Variants in DGKZ observed in about 807,000 individuals in gnomAD.
The protein encoded by DGKZ is diacylglycerol kinase zeta.
A neutral mutation model predicts 142.5 loss-of-function variants in DGKZ; 45 were observed. The ratio of observed to expected loss-of-function variants is 0.32; its 90% CI spans 0.25 to 0.40. DGKZ has a LOEUF of 0.40. DGKZ is among the 10% of genes least tolerant of loss of function. The pLI is 1.00. For missense variants in DGKZ, 755 were observed against 1,306.5 expected (o/e 0.58, Z 6.51); for synonymous variants, 442 against 527.0 (o/e 0.84, Z 2.21).
chr11:46,373,483 CTTG>C (rs1369608486), intron 14 of DGKZ, among the ~76,000 whole-genome samples: 4 of 143,768 alleles, frequency 2.8e-5, no homozygotes, highest in Non-Finnish European at 6.1e-5. Flanking sequence ...TTTTTTTTTT[CTTG>C]TTTTTTTTTT....
At chr11:46,344,045 A>C (rs1940412339), upstream of DGKZ, among the ~76,000 whole-genome samples, 1 of 151,518 alleles carries the variant, frequency 6.6e-6, no homozygotes, top group African/African-American at 2.4e-5. Context: ...CGCCTCCCGA[A>C]TTCAAACGAT....
In DGKZ at chr11:46,366,470, C is replaced by T. The variant is rs1435903357; in HGVS notation, c.162-821C>T. On this transcript the variant is annotated intron_variant, in intron 1 of 30. Transcript: ENST00000527911. Reference sequence around the variant, plus strand: ...CGGGGTGAGGGCCCAGGGTTCCAGCCGCCGGCGCTCCAGCACTGTGCCCCC... The same window carrying T: ...CGGGGTGAGGGCCCAGGGTTCCAGCTGCCGGCGCTCCAGCACTGTGCCCCC... 4.5e-6 allele frequency: 7 copies of T among 1,564,590 alleles called. No individual in the cohort carries two copies. Among genetic ancestry groups the T allele is most frequent in the East Asian group, 2.4e-5 (1 of 41,912 alleles).
At chr11:46,352,221 C>T (rs1043673337) in intron 1 of DGKZ, among the ~76,000 whole-genome samples, 26 of 152,232 alleles carry the variant, frequency 1.7e-4, no homozygotes, top group African/African-American at 6.0e-4. Flanking sequence ...GGAGCCCTTC[C>T]ACCCACTTTA....
At position 46,366,380 on chromosome 11, in the gene DGKZ, GCCT is replaced by G. The variant is rs750005398; in HGVS notation, c.162-903_162-901del. On this transcript the variant is annotated intron_variant, in intron 1 of 30. Transcript: ENST00000527911. ...CCGGCGTCGCTCCCCCGCTGGGCAG[GCCT>G]CCTCCTCACTGGCACAGCGGCGCCG... The G allele has an allele frequency of 5.4e-3, 8,171 of 1,523,458 alleles. 46 individuals are homozygous for G. The highest frequency in any genetic ancestry group is 5.6e-3 in the Non-Finnish European group (6,414 of 1,138,360). The allele number at this position is 1,523,458 out of a possible 1,614,324, so 94.4% of individuals were successfully genotyped here.
At chr11:46,354,948 C>T (rs1470139413) in intron 1 of DGKZ, among the ~76,000 whole-genome samples, 1 of 152,204 alleles carries the variant, frequency 6.6e-6, no homozygotes, top group Non-Finnish European at 1.5e-5. Context: ...TGTTGACGGA[C>T]ACTTGGGTGG....
chr11:46,374,968 G>A, exon 19 of DGKZ: 2 of 1,612,312 alleles, frequency 1.2e-6, no homozygotes, highest in Non-Finnish European at 1.7e-6. Context: ...GGGCCACCCT[G>A]GGGAGCACCA....
intron 1 of DGKZ, chr11:46,364,551 A>C (rs1279702804): frequency 1.0e-6 from 1 of 985,274 alleles, no homozygotes; most frequent in African/African-American, 1.7e-5. Context: ...TGGAAACTCC[A>C]ATAGGCAGAG....
intron 1 of DGKZ, among the ~76,000 whole-genome samples, chr11:46,363,904 G>A (rs1368383479): frequency 6.6e-6 from 1 of 152,216 alleles, no homozygotes; most frequent in African/African-American, 2.4e-5. Context: ...CCCGGGTTCA[G>A]GTCCCGAATG....
In DGKZ at chr11:46,367,686, A is replaced by C; in HGVS notation, c.305A>C (p.Glu102Ala). The change falls in exon 3 of 31, where the codon GAG becomes GCG. Residue 102 changes from glutamate (E) to alanine (A), a missense_variant. Around this residue, in one of 8 missense-constraint regions of DGKZ, gnomAD observed 81 missense variants for 86.5 expected, o/e 0.94. Coordinates refer to ENST00000527911, the Ensembl canonical transcript of DGKZ. This position sits in a 1 kb window ranked among gnomAD's most constrained non-coding sequence, Gnocchi z 4.1. ...ACATATGGGGAGCACATCTGGTTCGAGACCAACGTGTCCGGGGACTTCTGC... is the reference window on the plus strand; with the variant it reads ...ACATATGGGGAGCACATCTGGTTCGCGACCAACGTGTCCGGGGACTTCTGC... 1 of 1,609,884 alleles carries C rather than the reference A, an allele frequency of 6.2e-7. No individual in the cohort carries two copies.
chr11:46,372,683 C>G lies in DGKZ; in HGVS notation c.1071+6C>G. The G allele has an allele frequency of 6.2e-7, 1 of 1,613,122 alleles. No homozygotes were observed. The highest frequency in any genetic ancestry group is 1.1e-5 in the South Asian group (1 of 91,046). On this transcript the variant is annotated splice_donor_region_variant and intron_variant, in intron 12 of 30. Coordinates refer to ENST00000527911, the Ensembl canonical transcript of DGKZ. The surrounding 1 kb of genome is among the most constrained non-coding windows in gnomAD (Gnocchi z 5.9). ...CGTGCGGGGGCGACGGCACGGTGAGCTCCCCGCATGGGCCAGCCGAGCACC... is the reference window on the plus strand; with the variant it reads ...CGTGCGGGGGCGACGGCACGGTGAGGTCCCCGCATGGGCCAGCCGAGCACC...
chr11:46,375,373 C>T, intron 19 of DGKZ, 59 bp from the exon 20 acceptor site: 1 of 1,504,686 alleles, frequency 6.6e-7, no homozygotes, highest in Non-Finnish European at 8.9e-7. Context: ...GGAGCAGAGT[C>T]TGGGACCCCC....
exon 28 of DGKZ, chr11:46,379,023 C>T: frequency 6.3e-7 from 1 of 1,588,572 alleles, no homozygotes; most frequent in Middle Eastern, 2.3e-4. Context: ...GGGGCGACCT[C>T]ATGCACCGAG....
Position 46,369,758 on chromosome 11 carries a change from T to C in DGKZ, c.502-183T>C, listed in dbSNP as rs1943737371. ...TGTGCCTCCTGGTGCTTCCCAGCCT[T>C]CTCTGTCCCTCTGAGTCTGAGCCTC... On this transcript the variant is annotated intron_variant, in intron 5 of 30. Coordinates refer to ENST00000527911, the Ensembl canonical transcript of DGKZ. 4.5e-6 allele frequency: 4 copies of C among 883,462 alleles called. No individual in the cohort carries two copies. In the South Asian group the frequency reaches 6.5e-5, roughly 14 times the overall value. 54.7% of individuals were successfully genotyped at this position (883,462 alleles called of 1,614,324 possible).
chr11:46,356,652 T>C (rs1213600104), intron 1 of DGKZ, among the ~76,000 whole-genome samples: 2 of 151,980 alleles, frequency 1.3e-5, no homozygotes, highest in Non-Finnish European at 2.9e-5. Flanking sequence ...CCGCGGTGTT[T>C]TGTTTGCCAG....
At chr11:46,345,672 G>T (rs1940543736), upstream of DGKZ, 4 of 1,310,442 alleles carry the variant, frequency 3.1e-6, no homozygotes, top group Non-Finnish European at 3.1e-6. The surrounding 1 kb of genome is among the most constrained non-coding windows in gnomAD (Gnocchi z 4.1). Context: ...ACAGAAGTAG[G>T]GTCACCCATC....
upstream of DGKZ, among the ~76,000 whole-genome samples, chr11:46,344,805 C>T (rs563620983): frequency 2.6e-5 from 4 of 152,238 alleles, 1 homozygote; most frequent in Admixed American, 2.6e-4. Context: ...ATCTCCCTGG[C>T]ACATGTATTC....
At chr11:46,338,675 T>G (rs986453597) in intron 1 of DGKZ, 1 of 152,122 alleles carries the variant, frequency 6.6e-6, no homozygotes, top group East Asian at 1.9e-4. Context: ...GGCACATGCA[T>G]CCCACCAAGA....
chr11:46,347,368 C>T (rs1564999257), upstream of DGKZ: 6 of 984,318 alleles, frequency 6.1e-6, no homozygotes, highest in Non-Finnish European at 7.2e-6. This position sits in a 1 kb window ranked among gnomAD's most constrained non-coding sequence, Gnocchi z 6.4. Context: ...GAGGGCGCTG[C>T]GGGCCCGGTG....
chr11:46,373,601 T>C (rs576600553), intron 14 of DGKZ, among the ~76,000 whole-genome samples: 24 of 151,312 alleles, frequency 1.6e-4, no homozygotes, highest in Non-Finnish European at 3.1e-4. Context: ...GGGCTCAAGC[T>C]ATTCTCCTCC....
Sources: gnomAD v4.1 joint callset for allele counts (sites outside exome capture counted in the v4.1 genomes callset) on GRCh38, gnomAD v4.1.1 for gene constraint, gnomAD v4.1.1 regional missense constraint, Gnocchi (gnomAD v3.1) non-coding constraint, MANE v1.5 for transcripts, NCBI Gene and HGNC (gene_info 2026-07-23, HGNC 2026-07-21) for gene names.